Variants in VTI1A observed in about 807,000 individuals in gnomAD.
VTI1A encodes the protein vesicle transport through interaction with t-SNAREs 1A, also known as vesicle transport through interaction with t-SNAREs homolog 1A.
A neutral mutation model predicts 34.9 loss-of-function variants in VTI1A; 22 were observed. That is an observed-to-expected ratio of 0.63 (90% CI 0.45 to 0.90). The LOEUF is 0.90. VTI1A is among the 40% of genes least tolerant of loss of function. The probability of loss-of-function intolerance (pLI) is 0.00; values close to 1 mark genes in which losing one functional copy is unlikely to be tolerated. For synonymous variants in VTI1A, 87 were observed against 97.3 expected (o/e 0.89, Z 0.62); for missense variants, 268 against 275.6 (o/e 0.97, Z 0.20).
intron 5 of VTI1A, chr10:112,548,633 G>A: frequency 9.5e-7 from 1 of 1,049,760 alleles, no homozygotes; most frequent in Non-Finnish European, 1.5e-6. Flanking sequence ...TATTCATTTA[G>A]CCTTCTGAGC....
intron 5 of VTI1A, among the ~76,000 whole-genome samples, chr10:112,627,802 T>G (rs923020423): frequency 6.6e-6 from 1 of 152,126 alleles, no homozygotes; most frequent in Non-Finnish European, 1.5e-5. Flanking sequence ...ATTATAATAG[T>G]GAGACAGGCA....
intron 5 of VTI1A, among the ~76,000 whole-genome samples, chr10:112,549,544 T>G (rs1851266612): frequency 6.6e-6 from 1 of 152,226 alleles, no homozygotes; most frequent in Non-Finnish European, 1.5e-5. Context: ...GAAGATAGGA[T>G]TCTACAGTTG....
intron 7 of VTI1A, among the ~76,000 whole-genome samples, chr10:112,747,905 C>T (rs750345084): frequency 3.9e-5 from 6 of 152,228 alleles, no homozygotes; most frequent in Admixed American, 6.5e-5. Flanking sequence ...TCATATGGCC[C>T]GGCTGGAGGG....
At chr10:112,709,106 C>T (rs745728529) in intron 7 of VTI1A, among the ~76,000 whole-genome samples, 1 of 152,194 alleles carries the variant, frequency 6.6e-6, no homozygotes, top group Admixed American at 6.5e-5. Flanking sequence ...AGACCGCCTT[C>T]CTCTGGCATA....
At chr10:112,529,150 A>G (rs1850343024) in intron 4 of VTI1A, among the ~76,000 whole-genome samples, 1 of 152,170 alleles carries the variant, frequency 6.6e-6, no homozygotes, top group African/African-American at 2.4e-5. Flanking sequence ...TAAATAGAGT[A>G]TGATAAATTA....
intron 5 of VTI1A, among the ~76,000 whole-genome samples, chr10:112,657,194 G>A (rs534383813): frequency 5.6e-4 from 85 of 152,194 alleles, no homozygotes; most frequent in Non-Finnish European, 9.6e-4. Context: ...AATCCTTTAG[G>A]TAAAAACTTT....
At chr10:112,741,684 T>A (rs1407598872) in intron 7 of VTI1A, among the ~76,000 whole-genome samples, 1 of 152,098 alleles carries the variant, frequency 6.6e-6, no homozygotes, top group African/African-American at 2.4e-5. Context: ...TGAAGGTGAG[T>A]TTTTAAAAAT....
chr10:112,495,643 C>G (rs1357666229), intron 3 of VTI1A, among the ~76,000 whole-genome samples: 1 of 152,118 alleles, frequency 6.6e-6, no homozygotes, highest in East Asian at 1.9e-4. Flanking sequence ...AGTTAAATAT[C>G]AAGTTTGATT....
At chr10:112,481,349 A>C (rs912074289) in intron 3 of VTI1A, among the ~76,000 whole-genome samples, 11 of 152,174 alleles carry the variant, frequency 7.2e-5, no homozygotes, top group African/African-American at 2.7e-4. Flanking sequence ...GAGTACTTTA[A>C]ATTTTCAATT....
intron 5 of VTI1A, among the ~76,000 whole-genome samples, chr10:112,655,467 CA>C (rs1254525304): frequency 6.6e-6 from 1 of 151,550 alleles, no homozygotes; most frequent in Non-Finnish European, 1.5e-5. Context: ...GGATTCAGAC[CA>C]AACAAACATG....
chr10:112,716,183 T>C (rs756183080), intron 7 of VTI1A, among the ~76,000 whole-genome samples: 1 of 152,168 alleles, frequency 6.6e-6, no homozygotes, highest in Non-Finnish European at 1.5e-5. Context: ...AGTGTTCTCC[T>C]GGGAGTTTCC....
intron 7 of VTI1A, among the ~76,000 whole-genome samples, chr10:112,707,396 C>T (rs982502926): frequency 5.9e-5 from 9 of 151,986 alleles, no homozygotes; most frequent in Admixed American, 1.3e-4. Flanking sequence ...TACAATGGTG[C>T]GATCTTGGCT....
At chr10:112,538,383 C>T in intron 5 of VTI1A, 53 bp downstream of exon 5, 1 of 1,503,440 alleles carries the variant, frequency 6.7e-7, no homozygotes, top group Admixed American at 1.7e-5. Flanking sequence ...GCAGTCTTCA[C>T]AACACATGAC....
chr10:112,704,400 G>A (rs11196066), intron 7 of VTI1A, among the ~76,000 whole-genome samples: 47,536 of 151,970 alleles, frequency 0.31, 8,327 homozygotes, highest in African/African-American at 0.47. Flanking sequence ...ACCCCACAGG[G>A]ACAATATGTT....
At chr10:112,820,903 C>A (rs950343450), downstream of VTI1A, among the ~76,000 whole-genome samples, 5 of 152,210 alleles carry the variant, frequency 3.3e-5, no homozygotes, top group Middle Eastern at 3.4e-3. Context: ...CAGGGGATAG[C>A]AAGGGCAAGT....
chr10:112,457,495 G>A (rs7917657), intron 1 of VTI1A, among the ~76,000 whole-genome samples: 129,477 of 152,114 alleles, frequency 0.85, 56,215 homozygotes, highest in Non-Finnish European at 0.92. Flanking sequence ...TATGTACAAG[G>A]GGGTGATTAA....
downstream of VTI1A, among the ~76,000 whole-genome samples, chr10:112,820,555 A>G (rs1853634897): frequency 6.6e-6 from 1 of 152,256 alleles, no homozygotes; most frequent in Non-Finnish European, 1.5e-5. Flanking sequence ...TAAACAGGGC[A>G]GGTGACTGCG....
chr10:112,711,766 C>T (rs950589104), intron 7 of VTI1A, among the ~76,000 whole-genome samples: 3 of 152,236 alleles, frequency 2.0e-5, no homozygotes, highest in Non-Finnish European at 4.4e-5. Flanking sequence ...ACTGTGTCCT[C>T]TGGGACAACA....
intron 5 of VTI1A, among the ~76,000 whole-genome samples, chr10:112,577,293 A>T (rs994293603): frequency 1.3e-5 from 2 of 152,210 alleles, no homozygotes; most frequent in Non-Finnish European, 2.9e-5. Context: ...CATTCACTCT[A>T]TAACAATATT....
Sources: allele counts gnomAD v4.1 joint callset (sites outside exome capture counted in the v4.1 genomes callset), GRCh38; gene constraint gnomAD v4.1.1; transcripts MANE v1.5; gene names NCBI Gene and HGNC (gene_info 2026-07-23, HGNC 2026-07-21).